CAMK4: variants seen among roughly 807,000 people sequenced by gnomAD.
CAMK4 encodes calcium/calmodulin dependent protein kinase IV, also known as calcium/calmodulin-dependent protein kinase type IV.
CAMK4 carries 22 observed loss-of-function variants against 44.9 expected under a neutral mutation model. The ratio of observed to expected loss-of-function variants is 0.49; its 90% CI spans 0.35 to 0.70. The LOEUF is 0.70. CAMK4 is among the 30% of genes least tolerant of loss of function. The probability of loss-of-function intolerance (pLI) is 0.01; values close to 1 mark genes in which losing one functional copy is unlikely to be tolerated. For synonymous variants in CAMK4, 218 were observed against 215.4 expected, an observed-to-expected ratio of 1.01 and a Z score of -0.11; for missense variants, 498 against 586.8, an observed-to-expected ratio of 0.85 and a Z score of 1.56.
intron 1 of CAMK4, among the ~76,000 whole-genome samples, chr5:111,326,625 A>G (rs1007922821): frequency 6.6e-6 from 1 of 151,488 alleles, no homozygotes; most frequent in African/African-American, 2.4e-5. Flanking sequence ...CTTCGGTAAC[A>G]GGCAAACTAG....
At chr5:111,339,903 T>C (rs1289791222) in intron 1 of CAMK4, among the ~76,000 whole-genome samples, 1 of 151,246 alleles carries the variant, frequency 6.6e-6, no homozygotes, top group East Asian at 1.9e-4. Context: ...ATTTCTTTTA[T>C]GCATGTTTAT....
chr5:111,259,559 G>A (rs1749890839), intron 1 of CAMK4, among the ~76,000 whole-genome samples: 1 of 152,126 alleles, frequency 6.6e-6, no homozygotes, highest in African/African-American at 2.4e-5. Flanking sequence ...TGGGTTGTAG[G>A]TATATATGCA....
intron 5 of CAMK4, among the ~76,000 whole-genome samples, chr5:111,397,048 A>G (rs1424761216): frequency 6.6e-6 from 1 of 152,218 alleles, no homozygotes; most frequent in East Asian, 1.9e-4. Flanking sequence ...TTTCTTAAAT[A>G]CCCATTTTAA....
chr5:111,288,865 C>G (rs987148384), intron 1 of CAMK4, among the ~76,000 whole-genome samples: 1 of 152,204 alleles, frequency 6.6e-6, no homozygotes, highest in African/African-American at 2.4e-5. Flanking sequence ...TCCACAAGGT[C>G]AGTAAACTAC....
At chr5:111,243,714 G>A (rs1299501468) in intron 1 of CAMK4, among the ~76,000 whole-genome samples, 1 of 152,132 alleles carries the variant, frequency 6.6e-6, no homozygotes, top group African/African-American at 2.4e-5. Context: ...AAGGATTCAG[G>A]CAAGTATCTC....
chr5:111,310,905 C>T (rs1748175093), intron 1 of CAMK4, among the ~76,000 whole-genome samples: 1 of 152,056 alleles, frequency 6.6e-6, no homozygotes, highest in Non-Finnish European at 1.5e-5. Context: ...TAGCTGTGTT[C>T]ATCTGACAGC....
chr5:111,358,295 C>A (rs757472565), intron 2 of CAMK4, among the ~76,000 whole-genome samples: 1 of 152,076 alleles, frequency 6.6e-6, no homozygotes, highest in Non-Finnish European at 1.5e-5. Flanking sequence ...ATACAGACTA[C>A]ACACATGGCT....
intron 1 of CAMK4, among the ~76,000 whole-genome samples, chr5:111,227,281 A>G (rs1250626687): frequency 1.3e-5 from 2 of 152,216 alleles, no homozygotes; most frequent in Non-Finnish European, 2.9e-5. Context: ...CTTTCTTCCT[A>G]CACTAGAGAT....
intron 2 of CAMK4, among the ~76,000 whole-genome samples, chr5:111,372,661 G>GT (rs1751053968): frequency 6.6e-6 from 1 of 152,156 alleles, no homozygotes; most frequent in Admixed American, 6.6e-5. Flanking sequence ...TATTACGTGA[G>GT]TTTGAGCTGC....
At chr5:111,323,726 T>G (rs1313848668) in intron 1 of CAMK4, among the ~76,000 whole-genome samples, 1 of 152,112 alleles carries the variant, frequency 6.6e-6, no homozygotes, top group African/African-American at 2.4e-5. Context: ...AAGAATCTAT[T>G]GTCAGCACAC....
chr5:111,331,223 G>A (rs1261214472), intron 1 of CAMK4, among the ~76,000 whole-genome samples: 2 of 150,938 alleles, frequency 1.3e-5, no homozygotes, highest in East Asian at 3.9e-4. Context: ...CTTGTGTCTG[G>A]AATTTTAAAA....
intron 1 of CAMK4, among the ~76,000 whole-genome samples, chr5:111,231,701 A>G (rs1241614387): frequency 6.9e-6 from 1 of 144,450 alleles, no homozygotes; most frequent in Non-Finnish European, 1.6e-5. Flanking sequence ...TAATATTTTT[A>G]TTTAAATTAC....
At chr5:111,392,140 A>G (rs1468172797) in intron 4 of CAMK4, among the ~76,000 whole-genome samples, 1 of 152,144 alleles carries the variant, frequency 6.6e-6, no homozygotes, top group African/African-American at 2.4e-5. Context: ...GTCTGTTCTC[A>G]TACACTATAA....
intron 5 of CAMK4, among the ~76,000 whole-genome samples, chr5:111,434,291 CAAA>C (rs34360413): frequency 0.025 from 3,252 of 131,938 alleles, 102 homozygotes; most frequent in African/African-American, 0.078. Flanking sequence ...GACTCTGTCT[CAAA>C]AAAAAAAAAA....
intron 1 of CAMK4, among the ~76,000 whole-genome samples, chr5:111,260,812 C>A (rs928472765): frequency 1.3e-5 from 2 of 152,310 alleles, no homozygotes; most frequent in East Asian, 3.9e-4. Flanking sequence ...AAACCGTCAA[C>A]CTTTCTCAGT....
intron 5 of CAMK4, among the ~76,000 whole-genome samples, chr5:111,421,377 A>G (rs1434012878): frequency 1.3e-5 from 2 of 152,204 alleles, no homozygotes; most frequent in African/African-American, 4.8e-5. Flanking sequence ...TACTTTGACT[A>G]AGATGCAGAA....
At chr5:111,266,135 G>C (rs1750228838) in intron 1 of CAMK4, 1 of 151,592 alleles carries the variant, frequency 6.6e-6, no homozygotes, top group Non-Finnish European at 1.5e-5. Flanking sequence ...TGACAGCCTA[G>C]ATAGGACAGA....
At chr5:111,238,992 A>T (rs1748870456) in intron 1 of CAMK4, among the ~76,000 whole-genome samples, 1 of 151,386 alleles carries the variant, frequency 6.6e-6, no homozygotes, top group Non-Finnish European at 1.5e-5. Flanking sequence ...CCAAGTGTCA[A>T]TGCCTGCCAG....
chr5:111,478,877 C>G (rs948203054), intron 9 of CAMK4, among the ~76,000 whole-genome samples: 1 of 152,038 alleles, frequency 6.6e-6, no homozygotes, highest in African/African-American at 2.4e-5. Flanking sequence ...TACTTCATTT[C>G]TTTTTTGTTT....
Sources: gnomAD v4.1 joint callset for allele counts (sites outside exome capture counted in the v4.1 genomes callset) on GRCh38, gnomAD v4.1.1 for gene constraint, MANE v1.5 for transcripts, NCBI Gene and HGNC (gene_info 2026-07-23, HGNC 2026-07-21) for gene names.